Variants in SYNE2 observed in about 807,000 individuals in gnomAD.
SYNE2 encodes nesprin-2.
In SYNE2, 431 loss-of-function variants were observed where a neutral mutation model predicts 856.3. The observed-to-expected ratio is 0.50, with a 90% CI of 0.47 to 0.55. The LOEUF (loss-of-function observed/expected upper bound fraction) is 0.55. SYNE2 is among the 20% of genes least tolerant of loss of function. The pLI, the probability that SYNE2 is intolerant of heterozygous loss-of-function variation, is 0.00. For missense variants in SYNE2, 8,129 were observed against 8,023.2 expected (o/e 1.01, Z -0.50); for synonymous variants, 2,923 against 2,872.3 (o/e 1.02, Z -0.56).
chr14:64,106,141 C>G lies in SYNE2; in HGVS notation c.12493-1350C>G, dbSNP rs1014790322. On this transcript the variant is annotated intron_variant, in intron 64 of 115. Coordinates refer to ENST00000555002, the MANE Select transcript of SYNE2 (RefSeq NM_182914.3). ...GGAATTGCATTTCCAGACCCCCCCCCCCAACCAACACACAAGCTGATTTTT... is the reference window on the plus strand; with the variant it reads ...GGAATTGCATTTCCAGACCCCCCCCGCCAACCAACACACAAGCTGATTTTT... Among the ~76,000 whole-genome samples, 141 of 148,558 alleles carry G rather than the reference C, an allele frequency of 9.5e-4. 1 individual carries two copies. Among genetic ancestry groups the G allele is most frequent in the Admixed American group, 1.7e-3 (26 of 14,922 alleles).
chr14:64,042,414 C>G lies in SYNE2; in HGVS notation c.7222-5586C>G, dbSNP rs116398025. Among the ~76,000 whole-genome samples, 843 of 152,228 alleles carry G rather than the reference C, an allele frequency of 5.5e-3. 12 individuals are homozygous for G. The highest frequency in any genetic ancestry group is 0.02 in the African/African-American group (821 of 41,538). Reference sequence around the variant, plus strand: ...ATTTTCTTAATACAGAAAATTATATCACTTTAAATCTGTGTGGTCAGTAAT... The same window carrying G: ...ATTTTCTTAATACAGAAAATTATATGACTTTAAATCTGTGTGGTCAGTAAT... On this transcript the variant is annotated intron_variant, in intron 45 of 115. Coordinates refer to ENST00000555002, the MANE Select transcript of SYNE2 (RefSeq NM_182914.3).
At chr14:64,189,795 C>T (rs961840696) in intron 98 of SYNE2, among the ~76,000 whole-genome samples, 8 of 152,064 alleles carry the variant, frequency 5.3e-5, no homozygotes, top group Non-Finnish European at 1.0e-4. Context: ...CCTCAGCCAC[C>T]TGAGTAGCTG....
rs538868195 is a variant in SYNE2, at chr14:64,089,758, A to G, written c.11793+62A>G. 3.0e-6 allele frequency: 4 copies of G among 1,334,792 alleles called. No individual in the cohort carries two copies. In the Admixed American group the frequency reaches 5.4e-5, roughly 18 times the overall value. The allele number at this position is 1,334,792 out of a possible 1,614,324, so 82.7% of individuals were successfully genotyped here. ...ATACTTATTATGTCTTTTTCAAAAT[A>G]TAATATAATGTGATTTAAAAAAGCA... On this transcript the variant is annotated intron_variant, in intron 59 of 115. Transcript: ENST00000555002.
intron 45 of SYNE2, among the ~76,000 whole-genome samples, chr14:64,037,455 C>G (rs528582009): frequency 6.6e-6 from 1 of 152,240 alleles, no homozygotes; most frequent in East Asian, 1.9e-4. Flanking sequence ...GGGGTAAGGT[C>G]ACAGATCTAC....
At chr14:64,180,123 T>G (rs1457380574) in intron 96 of SYNE2, among the ~76,000 whole-genome samples, 1 of 152,268 alleles carries the variant, frequency 6.6e-6, no homozygotes, top group Non-Finnish European at 1.5e-5. Context: ...GCCTATTTAT[T>G]GTCTAATGTC....
intron 20 of SYNE2, 34 bp downstream of exon 20, chr14:63,990,603 G>T: frequency 6.2e-7 from 1 of 1,605,664 alleles, no homozygotes; most frequent in South Asian, 1.1e-5. Context: ...TAGTAATTCT[G>T]TTCTCTAAAA....
intron 89 of SYNE2, 92 bp from the exon 90 acceptor site, chr14:64,165,193 A>T: frequency 7.0e-7 from 1 of 1,429,936 alleles, no homozygotes. Context: ...AGCCAAAAAC[A>T]TCTTGAATTT....
chr14:64,070,726 G>C lies in SYNE2; in HGVS notation c.10513G>C (p.Glu3505Gln). Residue 3505 changes from glutamate to glutamine, a missense_variant, in exon 52 of 116, where the codon GAG (glutamate) becomes CAG (glutamine). Physicochemically the swap from Glu to Gln is conservative, Grantham distance 29 (BLOSUM62 2). Around this residue, in one of 3 missense-constraint regions of SYNE2, gnomAD observed 5,410 missense variants for 5,284.8 expected, o/e 1.02. Coordinates refer to ENST00000555002, the MANE Select transcript of SYNE2 (RefSeq NM_182914.3). ...ISKTKEAATT[E>Q]ELSELLDCLC... Reference sequence around the variant, plus strand: ...CAAAACAAAAGAGGCAGCCACCACAGAGGAACTCTCTGAGCTGCTAGACTG... The same window carrying C: ...CAAAACAAAAGAGGCAGCCACCACACAGGAACTCTCTGAGCTGCTAGACTG... The C allele has an allele frequency of 3.1e-6, 5 of 1,614,212 alleles. No individual in the cohort carries two copies. The highest frequency in any genetic ancestry group is 3.4e-6 in the Non-Finnish European group (4 of 1,180,032).
At chr14:64,038,438 G>T (rs1245620738) in intron 45 of SYNE2, among the ~76,000 whole-genome samples, 1 of 144,108 alleles carries the variant, frequency 6.9e-6, no homozygotes, top group African/African-American at 2.5e-5. Flanking sequence ...CCCAGACGGG[G>T]TGGCGGCTTG....
rs778868228 is a variant in SYNE2 at position 64,003,274 on chromosome 14, G to A, written c.4341G>A (p.Gln1447=). The change falls in exon 30 of 116, where the codon CAG becomes CAA. Residue 1447 remains glutamine, a synonymous_variant. Coordinates refer to ENST00000555002, the MANE Select transcript of SYNE2 (RefSeq NM_182914.3). The part of the protein sequence containing the change: ...NELLKNIQDV[Q]SQISKIGLKD... ...TCCTTAAAAATATTCAAGATGTGCA[G>A]AGTCAAATCAGTAAAATTGGTCTTA... The A allele has an allele frequency of 1.2e-6, 2 of 1,614,060 alleles. No individual in the cohort carries two copies.
intron 1 of SYNE2, among the ~76,000 whole-genome samples, chr14:63,901,012 T>C (rs920155744): frequency 2.6e-5 from 4 of 152,188 alleles, no homozygotes; most frequent in African/African-American, 9.6e-5. Flanking sequence ...TTAAAATCAC[T>C]CTGTTAAAGA....
intron 1 of SYNE2, among the ~76,000 whole-genome samples, chr14:63,898,363 G>A (rs2153309826): frequency 6.6e-6 from 1 of 152,126 alleles, no homozygotes; most frequent in Non-Finnish European, 1.5e-5. Context: ...GTTCTATTTT[G>A]TTGGCATACT....
chr14:63,890,513 C>A (rs936085501), intron 1 of SYNE2, among the ~76,000 whole-genome samples: 1 of 152,012 alleles, frequency 6.6e-6, no homozygotes, highest in Admixed American at 6.6e-5. Flanking sequence ...ATTTCTATGA[C>A]CCACCTTGAT....
chr14:64,086,291 G>A (rs2097560728), intron 57 of SYNE2, among the ~76,000 whole-genome samples: 1 of 152,178 alleles, frequency 6.6e-6, no homozygotes, highest in Non-Finnish European at 1.5e-5. Flanking sequence ...TCGGCACTTT[G>A]TTGGAAATCA....
At chr14:64,156,304 T>C (rs1567490662) in intron 85 of SYNE2, among the ~76,000 whole-genome samples, 1 of 152,220 alleles carries the variant, frequency 6.6e-6, no homozygotes, top group Non-Finnish European at 1.5e-5. Context: ...ATGGCAGTTC[T>C]TGTGTTGACA....
intron 52 of SYNE2, among the ~76,000 whole-genome samples, chr14:64,073,638 T>G (rs535897509): frequency 2.0e-5 from 3 of 152,296 alleles, no homozygotes; most frequent in South Asian, 2.1e-4. Flanking sequence ...CCACCTGTGA[T>G]TCCATTCACA....
rs780042118 is a variant in SYNE2, at chr14:64,219,385, T to C, written c.19835T>C (p.Ile6612Thr). The change falls in exon 110 of 116, where the codon ATA becomes ACA. Residue 6612 changes from isoleucine to threonine, a missense_variant. Coordinates refer to ENST00000555002, the MANE Select transcript of SYNE2 (RefSeq NM_182914.3). Reference sequence around the variant, plus strand: ...AAGCCTCCCTCTGATATCCAGGAAATAGAACTGAGAGTGAAGAGACTGCAG... The same window carrying C: ...AAGCCTCCCTCTGATATCCAGGAAACAGAACTGAGAGTGAAGAGACTGCAG... ...MAKPPSDIQE[I>T]ELRVKRLQEI... 3.1e-6 allele frequency: 5 copies of C among 1,613,886 alleles called. No individual in the cohort carries two copies. Among genetic ancestry groups the C allele is most frequent in the East Asian group, 4.5e-5 (2 of 44,890 alleles).
chr14:63,992,994 C>T lies in SYNE2; in HGVS notation c.2647-841C>T, dbSNP rs538923653. Among the ~76,000 whole-genome samples, 8 of 152,288 alleles carry T rather than the reference C, an allele frequency of 5.3e-5. 1 individual carries two copies. In the South Asian group the frequency reaches 1.7e-3, roughly 32 times the overall value. On this transcript the variant is annotated intron_variant, in intron 21 of 115. Coordinates refer to ENST00000555002, the MANE Select transcript of SYNE2 (RefSeq NM_182914.3). ...TTCTGCCTTTTTCACACACAGGCCC[C>T]GACCTGTTTTTTTGTTCTGTCATTC...
intron 115 of SYNE2, 76 bp downstream of exon 115, chr14:64,225,121 T>A: frequency 6.3e-7 from 1 of 1,579,492 alleles, no homozygotes; most frequent in Non-Finnish European, 8.7e-7. Context: ...CCAATGCCAC[T>A]ATCAAGGTCC....
Sources: allele counts gnomAD v4.1 joint callset (sites outside exome capture counted in the v4.1 genomes callset), GRCh38; gene constraint gnomAD v4.1.1; regional missense constraint gnomAD v4.1.1; transcripts MANE v1.5; gene names NCBI Gene and HGNC (gene_info 2026-07-23, HGNC 2026-07-21).